The following KCNT2 variants were observed in gnomAD, a reference collection of about 807,000 sequenced individuals.
The protein encoded by KCNT2 is potassium sodium-activated channel subfamily T member 2, also known as potassium channel subfamily T member 2.
A neutral mutation model predicts 153.8 loss-of-function variants in KCNT2; 67 were observed. The ratio of observed to expected loss-of-function variants is 0.44; its 90% CI spans 0.36 to 0.53. The LOEUF is 0.53. Ranked by LOEUF, KCNT2 falls within the 20% of genes least tolerant of loss-of-function variation. KCNT2 has a pLI of 0.00. For missense variants in KCNT2, 975 were observed against 1,354.8 expected, an observed-to-expected ratio of 0.72 and a Z score of 4.40; for synonymous variants, 500 against 458.8, an observed-to-expected ratio of 1.09 and a Z score of -1.15.
chr1:196,525,735 A>G (rs1026747343), intron 1 of KCNT2, among the ~76,000 whole-genome samples: 2 of 152,242 alleles, frequency 1.3e-5, no homozygotes, highest in Admixed American at 1.3e-4. Flanking sequence ...AAAAAAGTTT[A>G]CATTACTGTT....
chr1:196,426,334 C>A (rs1431765658), intron 10 of KCNT2, among the ~76,000 whole-genome samples: 1 of 151,964 alleles, frequency 6.6e-6, no homozygotes. Context: ...ATACATTGAA[C>A]ACCAGGCAGA....
intron 26 of KCNT2, chr1:196,257,630 T>C: frequency 1.1e-6 from 1 of 945,524 alleles, no homozygotes; most frequent in Non-Finnish European, 1.3e-6. Flanking sequence ...GTCTATAGTG[T>C]CTATATGGCA....
chr1:196,600,007 A>G (rs1262561174), intron 1 of KCNT2, among the ~76,000 whole-genome samples: 2 of 152,110 alleles, frequency 1.3e-5, no homozygotes, highest in East Asian at 3.8e-4. Context: ...TTAATGATTT[A>G]TTTTTTCATG....
intron 16 of KCNT2, among the ~76,000 whole-genome samples, chr1:196,334,821 G>T (rs904056212): frequency 1.4e-4 from 21 of 152,042 alleles, no homozygotes. Context: ...TCAGTAGCAT[G>T]CAGGGAGAGG....
chr1:196,311,290 A>T (rs1216152125), intron 21 of KCNT2, among the ~76,000 whole-genome samples: 1 of 151,810 alleles, frequency 6.6e-6, no homozygotes, highest in Admixed American at 6.6e-5. Flanking sequence ...CAGCCACAGC[A>T]TCCTGTACAA....
rs114403686 is a variant in KCNT2 at position 196,414,553 on chromosome 1, T to G, written c.1185+8497A>C. 1.4e-3 allele frequency among the ~76,000 whole-genome samples: 208 copies of G among 152,002 alleles called. 2 individuals carry two copies. Among genetic ancestry groups the G allele is most frequent in the African/African-American group, 4.9e-3 (202 of 41,564 alleles). ...TTTTGTATTACTTTTTCAAACGAAGTAAAAGTTTTTGTTGTTGTTGTTGTT... is the reference window on the plus strand; with the variant it reads ...TTTTGTATTACTTTTTCAAACGAAGGAAAAGTTTTTGTTGTTGTTGTTGTT... On this transcript the variant is annotated intron_variant, in intron 12 of 27. Transcript: ENST00000294725.
intron 8 of KCNT2, among the ~76,000 whole-genome samples, chr1:196,443,541 G>GA (rs1675427784): frequency 1.3e-5 from 2 of 151,548 alleles, no homozygotes; most frequent in South Asian, 2.1e-4. Flanking sequence ...AAACACATGG[G>GA]AAAAAACAGT....
chr1:196,331,396 A>G, intron 17 of KCNT2, 135 bp from the exon 18 acceptor site: 1 of 623,198 alleles, frequency 1.6e-6, no homozygotes, highest in South Asian at 1.9e-5. Flanking sequence ...ATAAAGAGGT[A>G]GTTAAGAAGA....
At chr1:196,538,494 T>G (rs927965250) in intron 1 of KCNT2, among the ~76,000 whole-genome samples, 18 of 152,302 alleles carry the variant, frequency 1.2e-4, no homozygotes, top group Non-Finnish European at 2.6e-4. Context: ...TGGATGCAAG[T>G]CGTGGGTGTG....
chr1:196,540,782 T>G (rs1656248128), intron 1 of KCNT2, among the ~76,000 whole-genome samples: 1 of 152,126 alleles, frequency 6.6e-6, no homozygotes, highest in Non-Finnish European at 1.5e-5. Flanking sequence ...AGATATCTAT[T>G]TAGGCCAGGC....
At chr1:196,320,261 C>T (rs181231830) in intron 19 of KCNT2, among the ~76,000 whole-genome samples, 24 of 151,822 alleles carry the variant, frequency 1.6e-4, no homozygotes, top group African/African-American at 5.8e-4. Context: ...ATTCATTTCA[C>T]AAAGTTATTA....
chr1:196,273,006 T>C (rs1482645051), intron 25 of KCNT2, among the ~76,000 whole-genome samples: 4 of 151,900 alleles, frequency 2.6e-5, no homozygotes, highest in Non-Finnish European at 5.9e-5. Flanking sequence ...ACATACACCA[T>C]GGTTAAGTAA....
At chr1:196,483,141 T>C (rs1572603409) in intron 3 of KCNT2, among the ~76,000 whole-genome samples, 1 of 152,068 alleles carries the variant, frequency 6.6e-6, no homozygotes, top group African/African-American at 2.4e-5. Flanking sequence ...TGAATGGTAG[T>C]TTTTCGCATT....
At position 196,437,530 on chromosome 1, in the gene KCNT2, A is replaced by G. The variant is rs567007302; in HGVS notation, c.639-7773T>C. ...TAAAAATTTTTTTGCTATCTAAAAT[A>G]TAAAAAAGAAATCAATGTCACACCA... On this transcript the variant is annotated intron_variant, in intron 8 of 27. Transcript: ENST00000294725. Among the ~76,000 whole-genome samples the G allele has an allele frequency of 6.6e-3, 990 of 149,322 alleles. 12 individuals carry two copies. Among genetic ancestry groups the G allele is most frequent in the African/African-American group, 0.023 (945 of 41,078 alleles).
intron 8 of KCNT2, among the ~76,000 whole-genome samples, chr1:196,439,596 G>T (rs996188548): frequency 2.0e-5 from 3 of 152,008 alleles, no homozygotes; most frequent in South Asian, 2.1e-4. Flanking sequence ...ATGACATAAA[G>T]TAAGAAATAC....
intron 19 of KCNT2, among the ~76,000 whole-genome samples, chr1:196,324,122 C>T (rs1173740942): frequency 6.6e-6 from 1 of 151,810 alleles, no homozygotes; most frequent in Non-Finnish European, 1.5e-5. Flanking sequence ...GATTTTACAG[C>T]GTGAACTTTC....
At chr1:196,518,298 T>C (rs1652875022) in intron 1 of KCNT2, among the ~76,000 whole-genome samples, 2 of 151,772 alleles carry the variant, frequency 1.3e-5, no homozygotes, top group Admixed American at 1.3e-4. Flanking sequence ...CATTACCAGC[T>C]AATAAAAACA....
intron 8 of KCNT2, among the ~76,000 whole-genome samples, chr1:196,448,927 T>G (rs1267358122): frequency 6.6e-6 from 1 of 151,726 alleles, no homozygotes; most frequent in South Asian, 2.1e-4. Context: ...CCCTAAATTG[T>G]GGCAATAAAA....
intron 21 of KCNT2, among the ~76,000 whole-genome samples, chr1:196,311,711 A>G (rs1442251421): frequency 6.6e-6 from 1 of 151,468 alleles, no homozygotes; most frequent in Non-Finnish European, 1.5e-5. Flanking sequence ...GTCTTTCTTG[A>G]CACTCTGGTC....
Sources: gnomAD v4.1 joint callset for allele counts (sites outside exome capture counted in the v4.1 genomes callset) on GRCh38, gnomAD v4.1.1 for gene constraint, MANE v1.5 for transcripts, NCBI Gene and HGNC (gene_info 2026-07-23, HGNC 2026-07-21) for gene names.